OR2L13: variants seen among roughly 807,000 people sequenced by gnomAD.
The protein encoded by OR2L13 is olfactory receptor 2L13.
Under a neutral mutation model 15.3 loss-of-function variants are expected in OR2L13, and 14 were observed. That is an observed-to-expected ratio of 0.91 (90% CI 0.60 to 1.43). The LOEUF (loss-of-function observed/expected upper bound fraction) is 1.43. Among genes scored for constraint, OR2L13 ranks in the 40% most tolerant of loss-of-function variants. OR2L13 has a pLI of 0.00. For synonymous variants in OR2L13, 152 were observed against 142.9 expected (o/e 1.06, Z -0.45); for missense variants, 367 against 387.9 (o/e 0.95, Z 0.45).
At chr1:248,007,805 A>C in the OR2L13 span, among the ~76,000 whole-genome samples, 1 of 152,190 alleles carries the variant, frequency 6.6e-6, no homozygotes, top group African/African-American at 2.4e-5. Flanking sequence ...TGCATTTAGA[A>C]ATTTCTTATG....
chr1:248,004,602 T>C, the OR2L13 span, among the ~76,000 whole-genome samples: 70 of 152,328 alleles, frequency 4.6e-4, no homozygotes, highest in Non-Finnish European at 8.2e-4. Context: ...TCTTAAGTCC[T>C]GATACCACGC....
the OR2L13 span, chr1:247,975,478 A>C: frequency 1.2e-6 from 1 of 832,800 alleles, no homozygotes; most frequent in African/African-American, 1.7e-5. Context: ...CTACTATGCA[A>C]TGTTTGCTTA....
Position 248,099,533 on chromosome 1 carries a change from G to A in OR2L13, c.158G>A (p.Arg53His), listed in dbSNP as rs1354313130. Residue 53 changes from arginine (R) to histidine (H), a missense_variant, in exon 3 of 3, where the codon CGT becomes CAT. Transcript: ENST00000641714. ...ATTCACCTCATCCACGTGGATCCTC[G>A]TCTCCACACACCGATGTACTTTCTT... 3 of 1,613,840 alleles carry A rather than the reference G, an allele frequency of 1.9e-6. No individual in the cohort carries two copies. The South Asian group carries it at 3.3e-5, about 18-fold the overall frequency.
chr1:247,989,168 T>C, the OR2L13 span, among the ~76,000 whole-genome samples: 1 of 152,136 alleles, frequency 6.6e-6, no homozygotes, highest in South Asian at 2.1e-4. Context: ...ATGAATTACA[T>C]TTCATGAAAA....
the OR2L13 span, chr1:248,022,826 CAAG>C: frequency 0.026 from 42,254 of 1,613,394 alleles, 659 homozygotes; most frequent in African/African-American, 0.036. Context: ...GCCTGAGAAA[CAAG>C]GAGGTGATGG....
the OR2L13 span, chr1:248,041,842 T>C: frequency 1.3e-5 from 2 of 152,176 alleles, no homozygotes; most frequent in South Asian, 4.1e-4. Context: ...ATGGCAATCA[T>C]TAAAACGTCA....
the OR2L13 span, among the ~76,000 whole-genome samples, chr1:248,056,544 T>A: frequency 6.6e-6 from 1 of 152,178 alleles, no homozygotes; most frequent in Non-Finnish European, 1.5e-5. Flanking sequence ...GAGATTCTGA[T>A]GAGTTGTCTC....
chr1:248,044,229 G>T, the OR2L13 span, among the ~76,000 whole-genome samples: 1 of 152,124 alleles, frequency 6.6e-6, no homozygotes, highest in Non-Finnish European at 1.5e-5. Context: ...TAGCCTCCCA[G>T]TGCAAATCTC....
At chr1:248,026,911 A>C in the OR2L13 span, among the ~76,000 whole-genome samples, 1 of 152,184 alleles carries the variant, frequency 6.6e-6, no homozygotes, top group African/African-American at 2.4e-5. Context: ...TTTGTAGTGC[A>C]TGTGTGTTTG....
chr1:248,045,763 T>C, the OR2L13 span: 3 of 152,314 alleles, frequency 2.0e-5, no homozygotes, highest in Admixed American at 1.3e-4. Flanking sequence ...TTATAAAACA[T>C]ATACATGCAT....
the OR2L13 span, among the ~76,000 whole-genome samples, chr1:247,985,708 T>A: frequency 6.6e-6 from 1 of 151,944 alleles, no homozygotes; most frequent in Non-Finnish European, 1.5e-5. Context: ...ATGGTTGAAC[T>A]AGTTTACAGT....
At chr1:248,095,228 G>A (rs1383638826), upstream of OR2L13, 1 of 152,218 alleles carries the variant, frequency 6.6e-6, no homozygotes, top group African/African-American at 2.4e-5. Flanking sequence ...AGTGTAAAAT[G>A]CCTTATTCTG....
the OR2L13 span, among the ~76,000 whole-genome samples, chr1:247,987,880 T>C: frequency 6.6e-6 from 1 of 152,124 alleles, no homozygotes; most frequent in Non-Finnish European, 1.5e-5. Context: ...TCTCATCTGA[T>C]AGAATCTATT....
the OR2L13 span, chr1:248,083,765 A>G: frequency 1.1e-5 from 18 of 1,613,902 alleles, no homozygotes; most frequent in Middle Eastern, 3.3e-4. Flanking sequence ...GGGTGAACAT[A>G]CTATAGAAGG....
chr1:248,071,863 A>G, the OR2L13 span, among the ~76,000 whole-genome samples: 5 of 151,318 alleles, frequency 3.3e-5, no homozygotes, highest in East Asian at 5.8e-4. Context: ...ATCATGAGTG[A>G]ACTCCCATTC....
the OR2L13 span, among the ~76,000 whole-genome samples, chr1:247,968,915 G>A: frequency 3.3e-4 from 50 of 152,258 alleles, no homozygotes; most frequent in African/African-American, 1.1e-3. Context: ...GTGAGGAATC[G>A]CCACACTGTC....
chr1:248,058,329 A>G, the OR2L13 span, among the ~76,000 whole-genome samples: 2 of 152,124 alleles, frequency 1.3e-5, no homozygotes, highest in South Asian at 2.1e-4. Context: ...CTCAAATATC[A>G]TTCCTTGATC....
At chr1:247,999,001 TTGA>T in the OR2L13 span, among the ~76,000 whole-genome samples, 1 of 152,146 alleles carries the variant, frequency 6.6e-6, no homozygotes, top group Admixed American at 6.5e-5. Context: ...AGTGATTATC[TTGA>T]TGATGAGGGC....
the OR2L13 span, among the ~76,000 whole-genome samples, chr1:248,028,727 T>G: frequency 6.6e-6 from 1 of 152,182 alleles, no homozygotes; most frequent in East Asian, 1.9e-4. Flanking sequence ...CAGGAATAAG[T>G]TGTTGACTCA....
Sources: allele counts gnomAD v4.1 joint callset (sites outside exome capture counted in the v4.1 genomes callset), GRCh38; gene constraint gnomAD v4.1.1; transcripts MANE v1.5; gene names NCBI Gene and HGNC (gene_info 2026-07-23, HGNC 2026-07-21).